SPATA13: variants seen among roughly 807,000 people sequenced by gnomAD.
SPATA13 encodes the protein spermatogenesis associated 13.
SPATA13 carries 50 observed loss-of-function variants against 104.0 expected under a neutral mutation model. The ratio of observed to expected loss-of-function variants is 0.48; its 90% CI spans 0.38 to 0.61. SPATA13 has a LOEUF of 0.61. Among genes scored for constraint, SPATA13 ranks in the 20% least tolerant of loss-of-function variants. The pLI is 0.00. For missense variants in SPATA13, 1,524 were observed against 1,690.6 expected (o/e 0.90, Z 1.73); for synonymous variants, 606 against 667.5 (o/e 0.91, Z 1.42).
chr13:24,065,837 A>T (rs1046117504), intron 3 of SPATA13, among the ~76,000 whole-genome samples: 3 of 152,196 alleles, frequency 2.0e-5, no homozygotes, highest in African/African-American at 7.2e-5. Context: ...AAATATTTCT[A>T]AGTTCTAAAG....
At chr13:24,269,362 ATGTATGTATGTG>A (rs1177527151) in intron 4 of SPATA13, among the ~76,000 whole-genome samples, 9 of 9,022 alleles carry the variant, frequency 1.0e-3, no homozygotes, top group South Asian at 5.0e-3. Context: ...TTTAACATGT[ATGTATGTATGTG>A]TGTATGTATG....
At chr13:24,294,696 A>G (rs781707564) in intron 9 of SPATA13, 43 bp from the exon 10 acceptor site, 1 of 1,543,586 alleles carries the variant, frequency 6.5e-7, no homozygotes, top group South Asian at 1.2e-5. Flanking sequence ...CCTCATTTGT[A>G]AGGTGCATGT....
intron 10 of SPATA13, among the ~76,000 whole-genome samples, chr13:24,296,328 T>C (rs1393503455): frequency 6.6e-6 from 1 of 152,168 alleles, no homozygotes; most frequent in Non-Finnish European, 1.5e-5. Context: ...CCAAAAAATA[T>C]TGTGTGTGAC....
chr13:24,071,573 G>A (rs1262671792), intron 3 of SPATA13, among the ~76,000 whole-genome samples: 1 of 152,206 alleles, frequency 6.6e-6, no homozygotes, highest in Non-Finnish European at 1.5e-5. Context: ...AGCACGCAGA[G>A]ATGTGACCTC....
chr13:24,165,211 T>A (rs934493271), intron 1 of SPATA13, among the ~76,000 whole-genome samples: 5 of 152,096 alleles, frequency 3.3e-5, no homozygotes, highest in African/African-American at 4.8e-5. Flanking sequence ...ACTGCCCTAG[T>A]CTTTGTGGAA....
At chr13:24,134,039 C>T (rs777205087) in intron 3 of SPATA13, among the ~76,000 whole-genome samples, 4 of 151,972 alleles carry the variant, frequency 2.6e-5, no homozygotes, top group Admixed American at 6.6e-5. Flanking sequence ...TGGTTGCTGG[C>T]GGGAGGTGGG....
chr13:24,245,367 A>G (rs1188742900), intron 2 of SPATA13, among the ~76,000 whole-genome samples: 6 of 151,980 alleles, frequency 3.9e-5, no homozygotes, highest in Admixed American at 6.6e-5. Context: ...TTTGGCGAAT[A>G]ATCAATGTTT....
chr13:24,249,579 A>G lies in SPATA13; in HGVS notation c.1756A>G (p.Arg586Gly). 6.2e-7 allele frequency: 1 copy of G among 1,614,030 alleles called. No homozygotes were observed. The highest frequency in any genetic ancestry group is 8.5e-7 in the Non-Finnish European group (1 of 1,179,874). Residue 586 changes from arginine to glycine, a missense_variant, in exon 3 of 13, where the codon AGG becomes GGG. Transcript: ENST00000382108. ...GAGATGGGGCTCTGGGAGACGGCCA[A>G]GGCCTCGGCCATTCTCTGACTACGG... ...KRRWGSGRRP[R>G]PRPFSDYGQL...
At chr13:24,022,102 G>C (rs966238718) in intron 3 of SPATA13, among the ~76,000 whole-genome samples, 16 of 147,792 alleles carry the variant, frequency 1.1e-4, no homozygotes, top group African/African-American at 3.5e-4. Context: ...GAAGGCTGGA[G>C]TGCAATCTCA....
intron 2 of SPATA13, among the ~76,000 whole-genome samples, chr13:24,008,153 A>G (rs1237031376): frequency 6.6e-6 from 1 of 152,240 alleles, no homozygotes. Context: ...GACCACAGCC[A>G]CACACTGTGT....
chr13:24,018,521 CA>C (rs888612846), intron 3 of SPATA13, among the ~76,000 whole-genome samples: 8 of 152,140 alleles, frequency 5.3e-5, no homozygotes, highest in Admixed American at 5.2e-4. Flanking sequence ...CTAGACAATA[CA>C]AAATTTAGAT....
At chr13:24,244,359 T>C (rs1418000750) in intron 2 of SPATA13, among the ~76,000 whole-genome samples, 5 of 152,252 alleles carry the variant, frequency 3.3e-5, no homozygotes, top group Admixed American at 3.3e-4. Context: ...GTTAGGCCTC[T>C]GAATGGATAT....
chr13:24,206,722 T>A (rs1870716574), intron 1 of SPATA13, among the ~76,000 whole-genome samples: 1 of 152,066 alleles, frequency 6.6e-6, no homozygotes, highest in African/African-American at 2.4e-5. Flanking sequence ...TAAAACCCTG[T>A]CTCTACTAAA....
intron 1 of SPATA13, among the ~76,000 whole-genome samples, chr13:24,198,371 C>G (rs1870207940): frequency 6.6e-6 from 1 of 152,180 alleles, no homozygotes; most frequent in South Asian, 2.1e-4. Flanking sequence ...CAAACAGAAT[C>G]ATAGGAAGTC....
At chr13:23,986,178 C>T (rs562903789) in intron 2 of SPATA13, among the ~76,000 whole-genome samples, 2 of 152,298 alleles carry the variant, frequency 1.3e-5, no homozygotes, top group African/African-American at 2.4e-5. Context: ...TATTTCGGCT[C>T]GCCCAGGGAC....
intron 3 of SPATA13, among the ~76,000 whole-genome samples, chr13:24,069,399 C>A (rs555350864): frequency 1.3e-5 from 2 of 152,276 alleles, no homozygotes; most frequent in African/African-American, 4.8e-5. Flanking sequence ...AATGGGAATT[C>A]ATTCGTAATT....
chr13:24,022,028 A>G (rs1397945167), intron 3 of SPATA13, among the ~76,000 whole-genome samples: 3 of 135,924 alleles, frequency 2.2e-5, no homozygotes, highest in African/African-American at 8.3e-5. Context: ...GGAAAATCTT[A>G]ATGTTTCTTT....
rs376357066 is a variant in SPATA13 at position 24,194,982 on chromosome 13, A to G, written c.-111-27837A>G. 1.7e-4 allele frequency among the ~76,000 whole-genome samples: 26 copies of G among 152,348 alleles called. No homozygotes were observed. The East Asian group carries it at 4.4e-3, about 26-fold the overall frequency. ...ATACAATTTAAATACCAGTTCACCA[A>G]TGATTTCTAATTCAACTAAATGGCT... is the stretch of plus-strand genomic sequence containing the variant. On this transcript the variant is annotated intron_variant, in intron 1 of 12. Coordinates refer to ENST00000382108, the MANE Select transcript of SPATA13 (RefSeq NM_001166271.3).
intron 4 of SPATA13, among the ~76,000 whole-genome samples, chr13:24,264,843 G>A (rs2138685018): frequency 6.6e-6 from 1 of 152,296 alleles, no homozygotes; most frequent in South Asian, 2.1e-4. Context: ...ACCTTTTAAA[G>A]GACAATTTTA....
Sources: gnomAD v4.1 joint callset for allele counts (sites outside exome capture counted in the v4.1 genomes callset) on GRCh38, gnomAD v4.1.1 for gene constraint, MANE v1.5 for transcripts, NCBI Gene and HGNC (gene_info 2026-07-23, HGNC 2026-07-21) for gene names.